ZNF385D: variants seen among roughly 807,000 people sequenced by gnomAD.
ZNF385D encodes the protein zinc finger protein 659.
ZNF385D carries 15 observed loss-of-function variants against 35.8 expected under a neutral mutation model. The observed-to-expected ratio is 0.42, with a 90% CI of 0.28 to 0.64. The LOEUF (loss-of-function observed/expected upper bound fraction) is 0.64, where lower values mean the gene tolerates loss of function less well. Ranked by LOEUF, ZNF385D falls within the 30% of genes least tolerant of loss-of-function variation. The pLI is 0.23. For synonymous variants in ZNF385D, 212 were observed against 186.8 expected (o/e 1.13, Z -1.10); for missense variants, 474 against 494.6 (o/e 0.96, Z 0.39).
intron 3 of ZNF385D, among the ~76,000 whole-genome samples, chr3:22,091,508 G>A (rs1179280775): frequency 1.3e-5 from 2 of 151,720 alleles, no homozygotes; most frequent in Non-Finnish European, 2.9e-5. Flanking sequence ...AGAGATCTTC[G>A]GCAGTGTCCA....
chr3:21,871,778 G>C (rs1319488634), intron 3 of ZNF385D, among the ~76,000 whole-genome samples: 1 of 152,086 alleles, frequency 6.6e-6, no homozygotes, highest in Non-Finnish European at 1.5e-5. Flanking sequence ...GGCTGAGGCA[G>C]GTGGATCACC....
intron 3 of ZNF385D, among the ~76,000 whole-genome samples, chr3:22,093,553 G>A (rs767349479): frequency 2.6e-5 from 4 of 151,930 alleles, no homozygotes; most frequent in African/African-American, 7.2e-5. Context: ...CTAGAGGTTC[G>A]AGGATTATGT....
intron 3 of ZNF385D, among the ~76,000 whole-genome samples, chr3:22,114,596 G>A (rs1403071159): frequency 2.0e-5 from 3 of 152,096 alleles, no homozygotes; most frequent in African/African-American, 7.2e-5. Context: ...TCACTGTTGT[G>A]AGCAAATGGG....
chr3:21,947,801 G>C (rs1701868401), intron 3 of ZNF385D, among the ~76,000 whole-genome samples: 1 of 151,866 alleles, frequency 6.6e-6, no homozygotes, highest in South Asian at 2.1e-4. Flanking sequence ...TCAATCATTG[G>C]TGTTATGCTT....
intron 3 of ZNF385D, among the ~76,000 whole-genome samples, chr3:21,995,792 C>A (rs1311622858): frequency 6.6e-6 from 1 of 151,972 alleles, no homozygotes; most frequent in African/African-American, 2.4e-5. Context: ...GGAGCCCCTA[C>A]TGCTAGTTGG....
chr3:21,678,938 T>C (rs538383164), intron 1 of ZNF385D, among the ~76,000 whole-genome samples: 12 of 152,198 alleles, frequency 7.9e-5, no homozygotes, highest in Admixed American at 3.3e-4. Flanking sequence ...TTTAAAAATT[T>C]TGTAAATTTA....
At chr3:21,511,668 T>C (rs1707217556) in intron 3 of ZNF385D, 1 of 456,308 alleles carries the variant, frequency 2.2e-6, no homozygotes, top group South Asian at 1.6e-5. Context: ...TTTCAGCGCA[T>C]GGATCTTTCA....
chr3:22,263,640 A>T (rs1193857548), intron 2 of ZNF385D, among the ~76,000 whole-genome samples: 2 of 152,052 alleles, frequency 1.3e-5, no homozygotes, highest in Non-Finnish European at 2.9e-5. Flanking sequence ...TTCTGGCACC[A>T]AATAGGCACT....
intron 3 of ZNF385D, among the ~76,000 whole-genome samples, chr3:21,943,884 T>G (rs1701654169): frequency 6.6e-6 from 1 of 152,178 alleles, no homozygotes; most frequent in South Asian, 2.1e-4. Flanking sequence ...ACTGTTACAT[T>G]TGACGACAAG....
chr3:21,997,864 CGCGCGCGCGTGTGTGT>C (rs1353885541), intron 3 of ZNF385D, among the ~76,000 whole-genome samples: 58 of 105,972 alleles, frequency 5.5e-4, no homozygotes, highest in African/African-American at 1.6e-3. Context: ...TTGGCGCGCG[CGCGCGCGCGTGTGTGT>C]GTGTGTGTGT....
intron 1 of ZNF385D, among the ~76,000 whole-genome samples, chr3:21,737,646 AACTGT>A (rs1324901528): frequency 6.6e-6 from 1 of 152,222 alleles, no homozygotes; most frequent in Non-Finnish European, 1.5e-5. Flanking sequence ...TCAATTTAAA[AACTGT>A]ACTGTATTAC....
At chr3:21,782,390 A>T (rs2071527336) in intron 3 of ZNF385D, among the ~76,000 whole-genome samples, 1 of 152,098 alleles carries the variant, frequency 6.6e-6, no homozygotes, top group Admixed American at 6.5e-5. Flanking sequence ...TCTTTTATAA[A>T]TTAGGAAACT....
At chr3:21,686,392 T>C (rs1254545765) in intron 1 of ZNF385D, among the ~76,000 whole-genome samples, 2 of 152,156 alleles carry the variant, frequency 1.3e-5, no homozygotes, top group African/African-American at 4.8e-5. Context: ...CCATTTGTAG[T>C]TGCTGTGAGA....
At chr3:21,662,700 AAGCAACAGTTGG>A (rs763848109) in intron 2 of ZNF385D, among the ~76,000 whole-genome samples, 13 of 152,310 alleles carry the variant, frequency 8.5e-5, no homozygotes, top group Non-Finnish European at 1.5e-4. Context: ...ACCAAGGAAA[AAGCAACAGTTGG>A]AGCAACAGAG....
intron 2 of ZNF385D, among the ~76,000 whole-genome samples, chr3:22,213,179 C>A (rs1051842847): frequency 6.6e-6 from 1 of 152,106 alleles, no homozygotes; most frequent in South Asian, 2.1e-4. Flanking sequence ...ATAATAATGT[C>A]ATAGTTTGGC....
chr3:22,368,815 G>GA (rs528054870), intron 2 of ZNF385D, among the ~76,000 whole-genome samples: 68 of 152,284 alleles, frequency 4.5e-4, no homozygotes, highest in Middle Eastern at 6.8e-3. Flanking sequence ...CAGTTTGGGG[G>GA]AGATATAAAC....
chr3:22,207,970 A>C (rs574193569), intron 2 of ZNF385D, among the ~76,000 whole-genome samples: 1 of 152,058 alleles, frequency 6.6e-6, no homozygotes, highest in African/African-American at 2.4e-5. Flanking sequence ...ACCCATGTAC[A>C]CTGTGGATGG....
chr3:21,913,366 G>A (rs1276903465), intron 3 of ZNF385D, among the ~76,000 whole-genome samples: 1 of 152,056 alleles, frequency 6.6e-6, no homozygotes, highest in Non-Finnish European at 1.5e-5. Context: ...CTCATTAACA[G>A]AAAAAATTGG....
chr3:21,784,389 AG>A (rs1451934873), intron 3 of ZNF385D, among the ~76,000 whole-genome samples: 3 of 152,152 alleles, frequency 2.0e-5, no homozygotes, highest in African/African-American at 7.2e-5. Context: ...AGAATTTCTA[AG>A]GTTGATGCAC....
Sources: allele counts gnomAD v4.1 joint callset (sites outside exome capture counted in the v4.1 genomes callset), GRCh38; gene constraint gnomAD v4.1.1; transcripts MANE v1.5; gene names NCBI Gene and HGNC (gene_info 2026-07-23, HGNC 2026-07-21).